PRDM10: variants seen among roughly 807,000 people sequenced by gnomAD.
PRDM10 encodes PR/SET domain 10, also known as PR domain zinc finger protein 10.
A neutral mutation model predicts 133.1 loss-of-function variants in PRDM10; 65 were observed. The ratio of observed to expected loss-of-function variants is 0.49; its 90% CI spans 0.40 to 0.60. The LOEUF (loss-of-function observed/expected upper bound fraction) is 0.60, where lower values mean the gene tolerates loss of function less well. Ranked by LOEUF, PRDM10 falls within the 20% of genes least tolerant of loss-of-function variation. The pLI, the probability that PRDM10 is intolerant of heterozygous loss-of-function variation, is 0.00. For missense variants in PRDM10, 1,137 were observed against 1,507.1 expected (o/e 0.75, Z 4.07); for synonymous variants, 582 against 580.4 (o/e 1.00, Z -0.04).
intron 1 of PRDM10, among the ~76,000 whole-genome samples, chr11:129,972,412 G>T (rs1952052762): frequency 6.6e-6 from 1 of 152,238 alleles, no homozygotes; most frequent in African/African-American, 2.4e-5. Flanking sequence ...TAGCAACAAA[G>T]AGTTAACAAA....
At chr11:129,989,138 G>C (rs1476318152) in intron 1 of PRDM10, among the ~76,000 whole-genome samples, 3 of 152,112 alleles carry the variant, frequency 2.0e-5, no homozygotes, top group African/African-American at 7.2e-5. Flanking sequence ...AACATAGAAA[G>C]CTAGGTGAAA....
chr11:129,970,314 T>C (rs1383295272), intron 1 of PRDM10, among the ~76,000 whole-genome samples: 1 of 152,180 alleles, frequency 6.6e-6, no homozygotes, highest in Non-Finnish European at 1.5e-5. Context: ...ATTATATCTC[T>C]ACTTTACAAG....
intron 19 of PRDM10, among the ~76,000 whole-genome samples, chr11:129,906,026 C>T (rs924821745): frequency 1.3e-5 from 2 of 152,208 alleles, no homozygotes; most frequent in African/African-American, 4.8e-5. Context: ...TGAAATACGT[C>T]ACAAAGAGTT....
At chr11:129,972,792 TCCTG>T (rs772016216) in intron 1 of PRDM10, among the ~76,000 whole-genome samples, 1 of 152,180 alleles carries the variant, frequency 6.6e-6, no homozygotes, top group Non-Finnish European at 1.5e-5. Context: ...AGAGAAACAG[TCCTG>T]CACTCTGTAG....
chr11:129,902,156 G>T lies in PRDM10; in HGVS notation c.*157C>A. The T allele has an allele frequency of 9.7e-7, 1 of 1,036,062 alleles. No individual in the cohort carries two copies. Among genetic ancestry groups the T allele is most frequent in the Non-Finnish European group, 1.3e-6 (1 of 742,812 alleles). The allele number at this position is 1,036,062 out of a possible 1,614,324, so 64.2% of individuals were successfully genotyped here. On this transcript the variant is annotated 3_prime_UTR_variant, in exon 21 of 21. Coordinates refer to ENST00000360871, the MANE Select transcript of PRDM10 (RefSeq NM_199437.2). Reference sequence around the variant, plus strand: ...AGTCAATTTGATAAAGATGACCTTGGCAAAATAAACCCCAGTGTATGGATG... The same window carrying T: ...AGTCAATTTGATAAAGATGACCTTGTCAAAATAAACCCCAGTGTATGGATG...
rs879751419 is a variant in PRDM10, at chr11:129,975,425, C to CA, written c.-118-14344dup. 3.9e-3 allele frequency among the ~76,000 whole-genome samples: 541 copies of CA among 138,236 alleles called. 3 individuals carry two copies. Among genetic ancestry groups the CA allele is most frequent in the East Asian group, 5.4e-3 (26 of 4,816 alleles). The allele number at this position is 138,236 out of a possible 152,430, so 90.7% of individuals were successfully genotyped here. A position where few individuals can be genotyped will look rare whatever the true frequency, so the allele number is the denominator to read the frequency against. On this transcript the variant is annotated intron_variant, in intron 1 of 20. Coordinates refer to ENST00000360871, the MANE Select transcript of PRDM10 (RefSeq NM_199437.2). Reference sequence around the variant, plus strand: ...GGATAACAGGCGCGAATCTCCATCTCAAAAAAAAAAAAATTTACACCTAAA... The same window carrying CA: ...GGATAACAGGCGCGAATCTCCATCTCAAAAAAAAAAAAAATTTACACCTAAA...
intron 1 of PRDM10, among the ~76,000 whole-genome samples, chr11:129,985,220 T>C (rs924410723): frequency 2.0e-5 from 3 of 152,134 alleles, no homozygotes; most frequent in African/African-American, 4.8e-5. Context: ...AAAAACAGTA[T>C]TGCCATTAAA....
chr11:129,964,298 T>G (rs1951861565), intron 1 of PRDM10, among the ~76,000 whole-genome samples: 1 of 152,176 alleles, frequency 6.6e-6, no homozygotes, highest in Non-Finnish European at 1.5e-5. Flanking sequence ...AAGGTATACT[T>G]TATTTCTTCT....
At position 129,960,957 on chromosome 11, in the gene PRDM10, G is replaced by T; in HGVS notation, c.8C>A (p.Ser3Tyr). The T allele has an allele frequency of 6.2e-7, 1 of 1,614,072 alleles. No individual in the cohort carries two copies. The highest frequency in any genetic ancestry group is 2.2e-5 in the East Asian group (1 of 44,874). ...CCACACATGCGAGCTTTCATCTTTGGAATCCATCTTCTCCCAACTGGACAG... is the reference window on the plus strand; with the variant it reads ...CCACACATGCGAGCTTTCATCTTTGTAATCCATCTTCTCCCAACTGGACAG... MDSKDESSHVWPT... is the reference protein window; with the variant it reads MDYKDESSHVWPT... Residue 3 changes from serine (S) to tyrosine (Y), a missense_variant, in exon 2 of 21, where the codon TCC becomes TAC. Coordinates refer to ENST00000360871, the MANE Select transcript of PRDM10 (RefSeq NM_199437.2).
At position 129,899,767 on chromosome 11, in the gene PRDM10, T is replaced by G. The variant is rs1405050594; in HGVS notation, c.*2546A>C. On this transcript the variant is annotated 3_prime_UTR_variant, in exon 21 of 21. Coordinates refer to ENST00000360871, the MANE Select transcript of PRDM10 (RefSeq NM_199437.2). ...AAATATATTTATTAATTTTTACACC[T>G]GCTGCATAGCACAAGACTATTAACA... 6.5e-6 allele frequency: 1 copy of G among 152,674 alleles called. No individual in the cohort carries two copies. Among genetic ancestry groups the G allele is most frequent in the East Asian group, 1.9e-4 (1 of 5,204 alleles). 9.5% of individuals were successfully genotyped at this position (152,674 alleles called of 1,614,324 possible). A position where few individuals can be genotyped will look rare whatever the true frequency, so the allele number is the denominator to read the frequency against.
At chr11:129,941,542 C>T (rs150309023) in intron 7 of PRDM10, among the ~76,000 whole-genome samples, 1 of 152,156 alleles carries the variant, frequency 6.6e-6, no homozygotes. Flanking sequence ...TTAATCACTC[C>T]GTCACAGATA....
At chr11:129,938,925 C>T (rs936862258) in intron 7 of PRDM10, among the ~76,000 whole-genome samples, 1 of 152,204 alleles carries the variant, frequency 6.6e-6, no homozygotes, top group African/African-American at 2.4e-5. Flanking sequence ...ATGCCAAGTG[C>T]TTCACCATCC....
At chr11:129,959,653 G>A (rs1484586764) in intron 2 of PRDM10, among the ~76,000 whole-genome samples, 1 of 152,084 alleles carries the variant, frequency 6.6e-6, no homozygotes, top group Non-Finnish European at 1.5e-5. Flanking sequence ...TTATAAATAA[G>A]ATATACCAAA....
chr11:129,906,300 C>T (rs976090636), intron 19 of PRDM10, among the ~76,000 whole-genome samples: 12 of 152,132 alleles, frequency 7.9e-5, no homozygotes, highest in Non-Finnish European at 1.6e-4. Flanking sequence ...TGTGGGGCAT[C>T]GTGTCTTCCC....
chr11:129,921,173 T>A (rs1950513804), intron 13 of PRDM10, among the ~76,000 whole-genome samples: 1 of 152,174 alleles, frequency 6.6e-6, no homozygotes. Context: ...GCTGCCCTCA[T>A]GGAGCTTATA....
rs145048703 is a variant in PRDM10, at chr11:129,993,764, G to A, written c.-119+8958C>T. On this transcript the variant is annotated intron_variant, in intron 1 of 20. Coordinates refer to ENST00000360871, the MANE Select transcript of PRDM10 (RefSeq NM_199437.2). The stretch of plus-strand genomic sequence containing the variant: ...CTCCCAAAGTGCTGGGATTACAGGC[G>A]TGAGCCACCGCGCCTGGCCCAACAC... 9.6e-3 allele frequency among the ~76,000 whole-genome samples: 1,462 copies of A among 152,250 alleles called. 26 individuals are homozygous for A. Among genetic ancestry groups the A allele is most frequent in the African/African-American group, 0.033 (1,372 of 41,554 alleles).
intron 1 of PRDM10, among the ~76,000 whole-genome samples, chr11:129,970,261 T>C (rs1951990180): frequency 1.3e-5 from 2 of 152,236 alleles, no homozygotes; most frequent in South Asian, 4.1e-4. Flanking sequence ...TAACCACACA[T>C]ATTGGTTCAT....
intron 7 of PRDM10, 102 bp downstream of exon 7, chr11:129,942,324 C>CTTTT: frequency 1.6e-6 from 2 of 1,252,266 alleles, no homozygotes; most frequent in Admixed American, 2.4e-5. Flanking sequence ...CCCCCTCCCC[C>CTTTT]TTTTTTGTTA....
At chr11:129,962,073 G>A (rs1951807934) in intron 1 of PRDM10, among the ~76,000 whole-genome samples, 1 of 152,126 alleles carries the variant, frequency 6.6e-6, no homozygotes, top group South Asian at 2.1e-4. Flanking sequence ...TTTGGTGAAT[G>A]CAAATACAAA....
Sources: gnomAD v4.1 joint callset for allele counts (sites outside exome capture counted in the v4.1 genomes callset) on GRCh38, gnomAD v4.1.1 for gene constraint, MANE v1.5 for transcripts, NCBI Gene and HGNC (gene_info 2026-07-23, HGNC 2026-07-21) for gene names.